The following QSOX2 variants were observed in gnomAD, a reference collection of about 807,000 sequenced individuals.
QSOX2 encodes quiescin sulfhydryl oxidase 2.
Under a neutral mutation model 61.7 loss-of-function variants are expected in QSOX2, and 46 were observed. The ratio of observed to expected loss-of-function variants is 0.75; its 90% CI spans 0.59 to 0.95. The LOEUF (loss-of-function observed/expected upper bound fraction) is 0.95, where lower values mean the gene tolerates loss of function less well. Among genes scored for constraint, QSOX2 ranks in the 40% least tolerant of loss-of-function variants. QSOX2 has a pLI of 0.00. For synonymous variants in QSOX2, 383 were observed against 388.4 expected (o/e 0.99, Z 0.16); for missense variants, 879 against 918.9 (o/e 0.96, Z 0.56).
At chr9:136,232,317 C>T (rs1564296106) in intron 1 of QSOX2, among the ~76,000 whole-genome samples, 1 of 152,144 alleles carries the variant, frequency 6.6e-6, no homozygotes, top group Non-Finnish European at 1.5e-5. Flanking sequence ...AAGGGGTCAC[C>T]TTGACCAATA....
At chr9:136,218,196 C>G (rs1438100412) in intron 8 of QSOX2, among the ~76,000 whole-genome samples, 5 of 152,188 alleles carry the variant, frequency 3.3e-5, no homozygotes, top group Non-Finnish European at 7.3e-5. Flanking sequence ...TGGTCTCAGA[C>G]ACCACATCTG....
At position 136,208,385 on chromosome 9, in the gene QSOX2, T is replaced by G; in HGVS notation, c.*343A>C. 2 of 180,026 alleles carry G rather than the reference T, an allele frequency of 1.1e-5. No homozygotes were observed. The highest frequency in any genetic ancestry group is 1.6e-4 in the South Asian group (1 of 6,158). The allele number at this position is 180,026 out of a possible 1,614,324, so 11.2% of individuals were successfully genotyped here. A position where few individuals can be genotyped will look rare whatever the true frequency, so the allele number is the denominator to read the frequency against. On this transcript the variant is annotated 3_prime_UTR_variant, in exon 12 of 12. Coordinates refer to ENST00000358701, the MANE Select transcript of QSOX2 (RefSeq NM_181701.4). ...ATGGGGCGGAGTGGAGGAAACGAGA[T>G]GAAAGTGTGTGGGGAAGACTATCTG...
At chr9:136,211,640 G>A (rs562844410) in intron 10 of QSOX2, among the ~76,000 whole-genome samples, 188 bp from the exon 11 acceptor site, 13 of 152,282 alleles carry the variant, frequency 8.5e-5, no homozygotes, top group African/African-American at 2.9e-4. Flanking sequence ...ACACGCCCAC[G>A]GGTGCTGCAG....
chr9:136,216,479 C>T (rs1831914675), intron 9 of QSOX2, 121 bp downstream of exon 9: 3 of 1,363,680 alleles, frequency 2.2e-6, no homozygotes, highest in Non-Finnish European at 3.0e-6. Context: ...CAGTAAGTCA[C>T]TGCTCCCCTT....
At position 136,237,581 on chromosome 9, in the gene QSOX2, G is replaced by A. The variant is rs551313472; in HGVS notation, c.328+7895C>T. Reference sequence around the variant, plus strand: ...GCCCGTCCTGTGGCGGCGTCACCTGGAGCCCGTCCTGTGCCACACCTGGAG... The same window carrying A: ...GCCCGTCCTGTGGCGGCGTCACCTGAAGCCCGTCCTGTGCCACACCTGGAG... On this transcript the variant is annotated intron_variant, in intron 1 of 11. Transcript: ENST00000358701. 6.6e-4 allele frequency among the ~76,000 whole-genome samples: 91 copies of A among 138,666 alleles called. 1 individual carries two copies. Among genetic ancestry groups the A allele is most frequent in the African/African-American group, 2.5e-3 (87 of 35,298 alleles). The allele number at this position is 138,666 out of a possible 152,430, so 91.0% of individuals were successfully genotyped here.
At chr9:136,235,997 G>C (rs1359612304) in intron 1 of QSOX2, among the ~76,000 whole-genome samples, 1 of 152,220 alleles carries the variant, frequency 6.6e-6, no homozygotes, top group Non-Finnish European at 1.5e-5. Flanking sequence ...CACCGTAGCT[G>C]AGGGAGCAGC....
chr9:136,208,524 T>C lies in QSOX2; in HGVS notation c.*204A>G, dbSNP rs73668090. ...GACTTGAGTACGCCAGGAATGCAAA[T>C]ATCCCCACAAAATTACCCCGTGTTC... is the stretch of plus-strand genomic sequence containing the variant. On this transcript the variant is annotated 3_prime_UTR_variant, in exon 12 of 12. Coordinates refer to ENST00000358701, the MANE Select transcript of QSOX2 (RefSeq NM_181701.4). 3.3e-3 allele frequency: 1,924 copies of C among 583,376 alleles called. 23 individuals are homozygous for C. The highest frequency in any genetic ancestry group is 0.032 in the African/African-American group (1,726 of 53,606). 36.1% of individuals were successfully genotyped at this position (583,376 alleles called of 1,614,324 possible). A position where few individuals can be genotyped will look rare whatever the true frequency, so the allele number is the denominator to read the frequency against.
intron 1 of QSOX2, among the ~76,000 whole-genome samples, chr9:136,242,524 G>T (rs2131072126): frequency 6.6e-6 from 1 of 152,404 alleles, no homozygotes; most frequent in East Asian, 1.9e-4. Context: ...ACAGGTGACT[G>T]ATCTGAGTCA....
chr9:136,230,736 T>C (rs769431779), intron 1 of QSOX2, among the ~76,000 whole-genome samples: 1 of 152,186 alleles, frequency 6.6e-6, no homozygotes, highest in Non-Finnish European at 1.5e-5. Context: ...TACATAATTC[T>C]AACATTCTGA....
At chr9:136,225,825 T>C (rs1830275040) in intron 2 of QSOX2, among the ~76,000 whole-genome samples, 1 of 152,212 alleles carries the variant, frequency 6.6e-6, no homozygotes, top group Non-Finnish European at 1.5e-5. Context: ...CAATGTCCCA[T>C]TAAGTAACAG....
In QSOX2 at chr9:136,219,285, A is replaced by T. The variant is rs541254314; in HGVS notation, c.822-121T>A. The T allele has an allele frequency of 9.7e-5, 123 of 1,265,674 alleles. No individual in the cohort carries two copies. The African/African-American group carries it at 1.8e-3, about 19-fold the overall frequency. 78.4% of individuals were successfully genotyped at this position (1,265,674 alleles called of 1,614,324 possible). On this transcript the variant is annotated intron_variant, in intron 6 of 11. Transcript: ENST00000358701. Reference sequence around the variant, plus strand: ...TCATCCTTTGGGCATTTATTGGGGCATGGGAGTCAGTGGGAACAGCTGACA... The same window carrying T: ...TCATCCTTTGGGCATTTATTGGGGCTTGGGAGTCAGTGGGAACAGCTGACA...
intron 6 of QSOX2, 89 bp from the exon 7 acceptor site, chr9:136,219,253 A>G (rs1856170913): frequency 6.9e-7 from 1 of 1,459,200 alleles, no homozygotes; most frequent in Admixed American, 2.3e-5. Flanking sequence ...GCTCTGGGCC[A>G]CCCCTTTCAT....
chr9:136,236,953 C>A (rs1830389053), intron 1 of QSOX2, among the ~76,000 whole-genome samples: 1 of 145,806 alleles, frequency 6.9e-6, no homozygotes, highest in Non-Finnish European at 1.5e-5. Flanking sequence ...TCACCTGGTG[C>A]CCGTCCTGTG....
intron 10 of QSOX2, among the ~76,000 whole-genome samples, chr9:136,211,732 G>A (rs113789564): frequency 2.9e-4 from 44 of 152,314 alleles, no homozygotes; most frequent in African/African-American, 9.4e-4. Context: ...GATGAGCCAC[G>A]GACTCGGCCG....
At chr9:136,216,514 A>C (rs1236802627) in intron 9 of QSOX2, 86 bp downstream of exon 9, 26 of 1,560,504 alleles carry the variant, frequency 1.7e-5, no homozygotes, top group South Asian at 3.4e-5. Flanking sequence ...CCGGGCCCCG[A>C]GCAGGGAGAT....
chr9:136,216,409 G>A (rs1014055845), intron 9 of QSOX2, among the ~76,000 whole-genome samples, 191 bp downstream of exon 9: 1 of 152,238 alleles, frequency 6.6e-6, no homozygotes, highest in Non-Finnish European at 1.5e-5. Flanking sequence ...TTAAACTGAA[G>A]TCCCAGCATG....
intron 1 of QSOX2, among the ~76,000 whole-genome samples, chr9:136,234,947 T>C (rs1012175244): frequency 2.6e-5 from 4 of 151,952 alleles, no homozygotes; most frequent in African/African-American, 7.3e-5. Context: ...ACCGGGCTCG[T>C]TCCTATTTGC....
chr9:136,231,417 C>T (rs1830328947), intron 1 of QSOX2, among the ~76,000 whole-genome samples: 2 of 152,226 alleles, frequency 1.3e-5, no homozygotes, highest in South Asian at 2.1e-4. Flanking sequence ...CAAAGGCTCC[C>T]GCAGGACACG....
At chr9:136,210,785 C>G in intron 11 of QSOX2, 14 of 985,208 alleles carry the variant, frequency 1.4e-5, no homozygotes, top group Non-Finnish European at 1.7e-5. Context: ...GATTTAGGAA[C>G]AGTTTGAAGT....
Sources: gnomAD v4.1 joint callset for allele counts (sites outside exome capture counted in the v4.1 genomes callset) on GRCh38, gnomAD v4.1.1 for gene constraint, MANE v1.5 for transcripts, NCBI Gene and HGNC (gene_info 2026-07-23, HGNC 2026-07-21) for gene names.